The following GRM7 variants were observed in gnomAD, a reference collection of about 807,000 sequenced individuals.
The protein encoded by GRM7 is glutamate metabotropic receptor 7, also known as metabotropic glutamate receptor 7.
Under a neutral mutation model 84.5 loss-of-function variants are expected in GRM7, and 35 were observed. The observed-to-expected ratio is 0.41, with a 90% CI of 0.32 to 0.55. The LOEUF is 0.55. GRM7 is among the 20% of genes least tolerant of loss of function. The pLI, the probability that GRM7 is intolerant of heterozygous loss-of-function variation, is 0.19. For synonymous variants in GRM7, 487 were observed against 455.1 expected (o/e 1.07, Z -0.89); for missense variants, 1,003 against 1,194.6 (o/e 0.84, Z 2.36).
chr3:7,345,898 G>A (rs1380111945), intron 4 of GRM7, among the ~76,000 whole-genome samples: 1 of 152,016 alleles, frequency 6.6e-6, no homozygotes, highest in African/African-American at 2.4e-5. Flanking sequence ...ACGTAAGTTA[G>A]GTATGGTTGC....
intron 9 of GRM7, among the ~76,000 whole-genome samples, chr3:7,719,099 A>G (rs1701855205): frequency 6.6e-6 from 1 of 152,118 alleles, no homozygotes; most frequent in Non-Finnish European, 1.5e-5. Context: ...GACAGACCCA[A>G]GGGTATGGTG....
chr3:6,944,410 T>C (rs1697990435), intron 1 of GRM7, among the ~76,000 whole-genome samples: 1 of 152,152 alleles, frequency 6.6e-6, no homozygotes, highest in South Asian at 2.1e-4. Context: ...TTAACTGATT[T>C]TTCTGCATCT....
At chr3:6,960,379 A>G (rs1693246227) in intron 1 of GRM7, among the ~76,000 whole-genome samples, 1 of 152,122 alleles carries the variant, frequency 6.6e-6, no homozygotes, top group African/African-American at 2.4e-5. Context: ...TATATAACCA[A>G]TGATCACCAA....
chr3:6,951,723 A>G (rs1692776250), intron 1 of GRM7, among the ~76,000 whole-genome samples: 1 of 152,178 alleles, frequency 6.6e-6, no homozygotes, highest in African/African-American at 2.4e-5. Context: ...AGAAAAAAAT[A>G]TATGTGTGTT....
At position 7,599,892 on chromosome 3, in the gene GRM7, C is replaced by T. The variant is rs531734224; in HGVS notation, c.2451+20535C>T. Among the ~76,000 whole-genome samples the T allele has an allele frequency of 5.3e-5, 8 of 152,050 alleles. No individual in the cohort carries two copies. The East Asian group carries it at 5.8e-4, about 11-fold the overall frequency. ...GTGGGGTTACTAGTGAGGACATAGG[C>T]TATTGAGGCCCTTTGAAAGATGCTC... On this transcript the variant is annotated intron_variant, in intron 8 of 9. Transcript: ENST00000357716.
intron 1 of GRM7, among the ~76,000 whole-genome samples, chr3:7,094,513 T>C (rs73115056): frequency 0.063 from 9,647 of 152,250 alleles, 329 homozygotes; most frequent in Middle Eastern, 0.11. Flanking sequence ...ACAGCAAAAC[T>C]GGGCTTGAGA....
At chr3:7,602,835 C>G (rs912337222) in intron 8 of GRM7, among the ~76,000 whole-genome samples, 4 of 152,118 alleles carry the variant, frequency 2.6e-5, no homozygotes, top group African/African-American at 7.2e-5. Flanking sequence ...TCAGGAGATT[C>G]TGCCATCACT....
intron 1 of GRM7, among the ~76,000 whole-genome samples, chr3:6,927,878 C>T (rs1244159359): frequency 6.6e-6 from 1 of 152,034 alleles, no homozygotes; most frequent in Non-Finnish European, 1.5e-5. Flanking sequence ...TTAAGTTGTT[C>T]CCAAGTTTTT....
intron 6 of GRM7, 46 bp from the exon 7 acceptor site, chr3:7,461,537 A>T: frequency 2.0e-6 from 3 of 1,500,180 alleles, no homozygotes; most frequent in Non-Finnish European, 2.8e-6. Context: ...AGATATAAGG[A>T]ATCTTGTTTA....
Position 7,663,887 on chromosome 3 carries a change from C to G in GRM7, c.2452-16162C>G, listed in dbSNP as rs140761089. Among the ~76,000 whole-genome samples, 76 of 152,222 alleles carry G rather than the reference C, an allele frequency of 5.0e-4. 1 individual carries two copies. Among genetic ancestry groups the G allele is most frequent in the African/African-American group, 1.7e-3 (71 of 41,544 alleles). ...AACTAGAATTTAGAATTTCTGACACCTGAGTCCAGTGGTTTCATCCCTACA... is the reference window on the plus strand; with the variant it reads ...AACTAGAATTTAGAATTTCTGACACGTGAGTCCAGTGGTTTCATCCCTACA... On this transcript the variant is annotated intron_variant, in intron 8 of 9. Coordinates refer to ENST00000357716, the MANE Select transcript of GRM7 (RefSeq NM_000844.4).
chr3:7,622,954 A>G (rs1340273064), intron 8 of GRM7, among the ~76,000 whole-genome samples: 2 of 152,148 alleles, frequency 1.3e-5, no homozygotes, highest in African/African-American at 4.8e-5. Flanking sequence ...TTGCAGGCCC[A>G]GAAGATAAGG....
intron 7 of GRM7, among the ~76,000 whole-genome samples, chr3:7,520,629 G>C (rs529031307): frequency 6.6e-6 from 1 of 152,128 alleles, no homozygotes; most frequent in African/African-American, 2.4e-5. Context: ...CTTTTATTTT[G>C]TAAGGTGGAT....
intron 1 of GRM7, among the ~76,000 whole-genome samples, chr3:6,945,720 A>G (rs1698052996): frequency 6.6e-6 from 1 of 152,068 alleles, no homozygotes. Flanking sequence ...CCTCTCCAGC[A>G]CCTGTTGTTT....
chr3:7,038,723 A>G (rs1324918868), intron 1 of GRM7, among the ~76,000 whole-genome samples: 1 of 152,190 alleles, frequency 6.6e-6, no homozygotes, highest in African/African-American at 2.4e-5. Flanking sequence ...GTGAACAGTA[A>G]AAAGAGGTTG....
At chr3:7,722,810 G>C (rs1436363120) in intron 9 of GRM7, among the ~76,000 whole-genome samples, 1 of 151,966 alleles carries the variant, frequency 6.6e-6, no homozygotes, top group Non-Finnish European at 1.5e-5. Context: ...CTGAATTAGA[G>C]ACAGGGTCTC....
intron 2 of GRM7, among the ~76,000 whole-genome samples, chr3:7,296,843 C>T (rs1265171181): frequency 2.6e-5 from 4 of 151,052 alleles, no homozygotes; most frequent in African/African-American, 9.7e-5. Flanking sequence ...AAGCTGGGAT[C>T]TTGCTATGTT....
intron 4 of GRM7, among the ~76,000 whole-genome samples, chr3:7,411,878 A>AT (rs1427113441): frequency 6.6e-6 from 1 of 152,046 alleles, no homozygotes; most frequent in African/African-American, 2.4e-5. Flanking sequence ...ATGCTGGCCT[A>AT]TTTTTTAAAA....
chr3:7,356,192 G>A (rs1174874396), intron 4 of GRM7, among the ~76,000 whole-genome samples: 5 of 152,146 alleles, frequency 3.3e-5, no homozygotes, highest in African/African-American at 1.2e-4. Context: ...TGGTGACAAG[G>A]AAATTGGGAG....
chr3:7,141,243 A>G (rs1693935718), intron 1 of GRM7, among the ~76,000 whole-genome samples: 1 of 152,004 alleles, frequency 6.6e-6, no homozygotes, highest in Non-Finnish European at 1.5e-5. Context: ...AAAGAATTAT[A>G]ACAAGGGTAG....
Sources: gnomAD v4.1 joint callset for allele counts (sites outside exome capture counted in the v4.1 genomes callset) on GRCh38, gnomAD v4.1.1 for gene constraint, MANE v1.5 for transcripts, NCBI Gene and HGNC (gene_info 2026-07-23, HGNC 2026-07-21) for gene names.